Variants in ATXN1 observed in about 807,000 individuals in gnomAD.
The protein encoded by ATXN1 is ataxin-1.
In ATXN1, 8 loss-of-function variants were observed where a neutral mutation model predicts 56.4. The ratio of observed to expected loss-of-function variants is 0.14; its 90% CI spans 0.08 to 0.26. The LOEUF (loss-of-function observed/expected upper bound fraction) is 0.26, where lower values mean the gene tolerates loss of function less well. Among genes scored for constraint, ATXN1 ranks in the 10% least tolerant of loss-of-function variants. The pLI, the probability that ATXN1 is intolerant of heterozygous loss-of-function variation, is 1.00. For missense variants in ATXN1, 987 were observed against 1,106.5 expected, an observed-to-expected ratio of 0.89 and a Z score of 1.53; for synonymous variants, 514 against 494.6, an observed-to-expected ratio of 1.04 and a Z score of -0.52.
chr6:16,481,599 C>A (rs893403815), intron 6 of ATXN1, among the ~76,000 whole-genome samples: 2 of 152,024 alleles, frequency 1.3e-5, no homozygotes, highest in Admixed American at 6.6e-5. Flanking sequence ...TTCCAGAAAC[C>A]TTTATTATTG....
chr6:16,579,486 C>CA lies in ATXN1; in HGVS notation c.-361+6293_-361+6294insT, dbSNP rs1554117223. ...ACTGAGTACCTTGGTCAAAGCCCCC[C>CA]CCCCCCACCCGCCGATTCATTCCCA... On this transcript the variant is annotated intron_variant, in intron 4 of 7. Coordinates refer to ENST00000436367, the MANE Select transcript of ATXN1 (RefSeq NM_001128164.2). Among the ~76,000 whole-genome samples, 10 of 58,328 alleles carry CA rather than the reference C, an allele frequency of 1.7e-4. 2 individuals carry two copies. The highest frequency in any genetic ancestry group is 2.3e-4 in the Non-Finnish European group (4 of 17,286). 38.3% of individuals were successfully genotyped at this position (58,328 alleles called of 152,430 possible).
chr6:16,338,274 G>T (rs541688747), intron 6 of ATXN1, among the ~76,000 whole-genome samples: 2 of 152,236 alleles, frequency 1.3e-5, no homozygotes, highest in African/African-American at 4.8e-5. Context: ...CGGGCGGATT[G>T]CGAGGTCAGG....
Position 16,581,077 on chromosome 6 carries a change from C to T in ATXN1, c.-361+4703G>A, listed in dbSNP as rs143670505. ...CGAAGGGTTGAGAGGGACTCACAAC[C>T]CTACAGTTTTTCTTTTTGTGTTTCT... On this transcript the variant is annotated intron_variant, in intron 4 of 7. Coordinates refer to ENST00000436367, the MANE Select transcript of ATXN1 (RefSeq NM_001128164.2). 3.3e-5 allele frequency among the ~76,000 whole-genome samples: 5 copies of T among 151,978 alleles called. No individual in the cohort carries two copies. The East Asian group carries it at 9.7e-4, about 29-fold the overall frequency.
chr6:16,724,522 A>C (rs1327494517), intron 2 of ATXN1, among the ~76,000 whole-genome samples: 1 of 152,182 alleles, frequency 6.6e-6, no homozygotes, highest in Non-Finnish European at 1.5e-5. Context: ...CAAGCAACCC[A>C]TGAACAGGGT....
At chr6:16,739,868 G>A (rs763791356) in intron 2 of ATXN1, 8 of 456,882 alleles carry the variant, frequency 1.8e-5, no homozygotes, top group Admixed American at 4.7e-5. Flanking sequence ...GACTTCCAAC[G>A]AAGATCTTGG....
chr6:16,359,128 C>G (rs1350120294), intron 6 of ATXN1, among the ~76,000 whole-genome samples: 2 of 152,220 alleles, frequency 1.3e-5, no homozygotes, highest in South Asian at 4.1e-4. Flanking sequence ...GATCTCAGAG[C>G]TGGGTTGGGG....
chr6:16,739,748 C>A, intron 2 of ATXN1: 1 of 445,472 alleles, frequency 2.2e-6, no homozygotes, highest in South Asian at 1.6e-5. Context: ...AAGAGGAGGT[C>A]TCTGAAGCTG....
rs1199409187 is a variant in ATXN1 at position 16,506,010 on chromosome 6, T to C, written c.-299+16617A>G. 1.3e-5 allele frequency among the ~76,000 whole-genome samples: 2 copies of C among 152,186 alleles called. No homozygotes were observed. Among genetic ancestry groups the C allele is most frequent in the Non-Finnish European group, 2.9e-5 (2 of 68,024 alleles). On this transcript the variant is annotated intron_variant, in intron 5 of 7. Coordinates refer to ENST00000436367, the MANE Select transcript of ATXN1 (RefSeq NM_001128164.2). The surrounding 1 kb of genome is among the most constrained non-coding windows in gnomAD (Gnocchi z 4.1). ...TTGTGATTCTCCTTTTCACTTCATC[T>C]GGAGGGCAGTGTCTTCCCTCCTAGA...
chr6:16,319,874 A>G (rs1244939232), intron 7 of ATXN1, among the ~76,000 whole-genome samples: 1 of 149,680 alleles, frequency 6.7e-6, no homozygotes, highest in Non-Finnish European at 1.5e-5. Flanking sequence ...TTTTTTTTAG[A>G]GAGGTACAAA....
intron 6 of ATXN1, among the ~76,000 whole-genome samples, chr6:16,403,561 G>T (rs1231039416): frequency 6.6e-6 from 1 of 152,154 alleles, no homozygotes; most frequent in Non-Finnish European, 1.5e-5. Flanking sequence ...ACATTGGCCA[G>T]GCTGGTCTCG....
rs372133593 is a variant in ATXN1 at position 16,416,091 on chromosome 6, C to CAAA, written c.-161+69878_-161+69880dup. 6.9e-3 allele frequency among the ~76,000 whole-genome samples: 757 copies of CAAA among 110,404 alleles called. 9 individuals carry two copies. The highest frequency in any genetic ancestry group is 0.015 in the African/African-American group (435 of 29,768). The allele number at this position is 110,404 out of a possible 152,430, so 72.4% of individuals were successfully genotyped here. A position where few individuals can be genotyped will look rare whatever the true frequency, so the allele number is the denominator to read the frequency against. On this transcript the variant is annotated intron_variant, in intron 6 of 7. Coordinates refer to ENST00000436367, the MANE Select transcript of ATXN1 (RefSeq NM_001128164.2). ...TTCACAAGAAGAACTACCAAGCTTT[C>CAAA]AAAAAAAAAAAAAAAAAACCCAGGC...
At chr6:16,376,844 A>G (rs1386463518) in intron 6 of ATXN1, among the ~76,000 whole-genome samples, 2 of 152,232 alleles carry the variant, frequency 1.3e-5, no homozygotes, top group Admixed American at 6.5e-5. Flanking sequence ...GAATTGTTCA[A>G]TTTAAAAGCC....
intron 5 of ATXN1, among the ~76,000 whole-genome samples, chr6:16,487,330 G>GA (rs957173968): frequency 4.9e-4 from 74 of 150,042 alleles, no homozygotes; most frequent in Admixed American, 1.4e-3. Context: ...CATTTCTGAG[G>GA]AAAAAAAACA....
chr6:16,696,016 T>C (rs1343711179), intron 2 of ATXN1, among the ~76,000 whole-genome samples: 1 of 152,088 alleles, frequency 6.6e-6, no homozygotes, highest in African/African-American at 2.4e-5. Context: ...TAAAATGTAA[T>C]ATGATAACAT....
chr6:16,311,365 G>A (rs1460001007), intron 7 of ATXN1, among the ~76,000 whole-genome samples: 2 of 152,076 alleles, frequency 1.3e-5, no homozygotes, highest in African/African-American at 4.8e-5. Flanking sequence ...CTCTACCCTT[G>A]TGAGCAAAGA....
intron 5 of ATXN1, among the ~76,000 whole-genome samples, chr6:16,496,504 T>A (rs997315049): frequency 3.3e-5 from 5 of 152,150 alleles, no homozygotes; most frequent in Non-Finnish European, 5.9e-5. Context: ...GGGTGCTGAG[T>A]GTGACCACAT....
intron 6 of ATXN1, among the ~76,000 whole-genome samples, chr6:16,391,274 CTCT>C (rs1758351170): frequency 6.6e-6 from 1 of 150,536 alleles, no homozygotes; most frequent in Non-Finnish European, 1.5e-5. Flanking sequence ...AAAAAAGAAG[CTCT>C]TCTTTGAATT....
chr6:16,315,885 T>C (rs1760496588), intron 7 of ATXN1, among the ~76,000 whole-genome samples: 2 of 152,184 alleles, frequency 1.3e-5, no homozygotes, highest in Admixed American at 6.5e-5. Flanking sequence ...CCTTGCTATG[T>C]TGGCCTGGCT....
chr6:16,401,234 C>A (rs1206606493), intron 6 of ATXN1, among the ~76,000 whole-genome samples: 10 of 152,162 alleles, frequency 6.6e-5, no homozygotes, highest in Admixed American at 4.6e-4. Flanking sequence ...TGCTTTGAAG[C>A]CACATTTGCC....
Sources: gnomAD v4.1 joint callset for allele counts (sites outside exome capture counted in the v4.1 genomes callset) on GRCh38, gnomAD v4.1.1 for gene constraint, Gnocchi (gnomAD v3.1) non-coding constraint, MANE v1.5 for transcripts, NCBI Gene and HGNC (gene_info 2026-07-23, HGNC 2026-07-21) for gene names.